THEMIS: variants seen among roughly 807,000 people sequenced by gnomAD.
The protein encoded by THEMIS is thymocyte selection associated.
In THEMIS, 37 loss-of-function variants were observed where a neutral mutation model predicts 52.6. That is an observed-to-expected ratio of 0.70 (90% CI 0.54 to 0.93). The LOEUF (loss-of-function observed/expected upper bound fraction) is 0.93, where lower values mean the gene tolerates loss of function less well. THEMIS is among the 40% of genes least tolerant of loss of function. The probability of loss-of-function intolerance (pLI) is 0.00; values close to 1 mark genes in which losing one functional copy is unlikely to be tolerated. For synonymous variants in THEMIS, 292 were observed against 272.7 expected, an observed-to-expected ratio of 1.07 and a Z score of -0.70; for missense variants, 808 against 763.1, an observed-to-expected ratio of 1.06 and a Z score of -0.69.
chr6:127,718,870 A>G (rs1418375593), intron 5 of THEMIS, among the ~76,000 whole-genome samples: 1 of 151,892 alleles, frequency 6.6e-6, no homozygotes, highest in Non-Finnish European at 1.5e-5. Flanking sequence ...AAGAACCCAG[A>G]TTGTGCAGAC....
At chr6:127,896,360 A>G (rs1182138630) in intron 1 of THEMIS, among the ~76,000 whole-genome samples, 1 of 151,590 alleles carries the variant, frequency 6.6e-6, no homozygotes, top group Non-Finnish European at 1.5e-5. Flanking sequence ...TAAGTACAAC[A>G]AAGAGAAAAT....
Position 127,708,421 on chromosome 6 carries a change from A to T in THEMIS, c.*1564T>A, listed in dbSNP as rs1773862850. 1 of 152,148 alleles carries T rather than the reference A, an allele frequency of 6.6e-6. No individual in the cohort carries two copies. The highest frequency in any genetic ancestry group is 1.5e-5 in the Non-Finnish European group (1 of 68,008). The allele number at this position is 152,148 out of a possible 1,614,324, so 9.4% of individuals were successfully genotyped here. A position where few individuals can be genotyped will look rare whatever the true frequency, so the allele number is the denominator to read the frequency against. On this transcript the variant is annotated 3_prime_UTR_variant, in exon 6 of 6. Transcript: ENST00000368248. ...CTAATCAAAGAATGGTAGTTACTAA[A>T]AGTACAAATTTAATTGTTCTCAAAT... is the stretch of plus-strand genomic sequence containing the variant.
intron 4 of THEMIS, among the ~76,000 whole-genome samples, chr6:127,798,049 G>T (rs914724409): frequency 6.6e-6 from 1 of 152,286 alleles, no homozygotes. Flanking sequence ...GTGTTCATAC[G>T]TCACTTTATC....
intron 4 of THEMIS, among the ~76,000 whole-genome samples, chr6:127,723,320 G>T (rs1298617726): frequency 6.6e-6 from 1 of 151,964 alleles, no homozygotes; most frequent in Non-Finnish European, 1.5e-5. Flanking sequence ...AGCAGCATCT[G>T]ACATGTCTGG....
At chr6:127,912,798 A>G (rs1396475149) in intron 1 of THEMIS, among the ~76,000 whole-genome samples, 1 of 152,246 alleles carries the variant, frequency 6.6e-6, no homozygotes, top group African/African-American at 2.4e-5. Flanking sequence ...AATCTTCCTG[A>G]AAATATGACA....
chr6:127,765,434 C>T (rs927729990), intron 4 of THEMIS, among the ~76,000 whole-genome samples: 14 of 152,164 alleles, frequency 9.2e-5, no homozygotes, highest in Admixed American at 7.2e-4. Flanking sequence ...CATAGAGATT[C>T]AATTTCAGTT....
intron 1 of THEMIS, among the ~76,000 whole-genome samples, chr6:127,869,856 C>G (rs1238936899): frequency 6.6e-6 from 1 of 152,156 alleles, no homozygotes; most frequent in Non-Finnish European, 1.5e-5. Flanking sequence ...CCAAACATCA[C>G]AGAAAAACAG....
chr6:127,865,625 A>G (rs1195159207), intron 1 of THEMIS, among the ~76,000 whole-genome samples: 1 of 152,160 alleles, frequency 6.6e-6, no homozygotes, highest in Non-Finnish European at 1.5e-5. Context: ...AATGTAAATT[A>G]TTATCCATAG....
chr6:127,894,014 C>T (rs1445621490), intron 1 of THEMIS, among the ~76,000 whole-genome samples: 4 of 151,812 alleles, frequency 2.6e-5, no homozygotes, highest in Non-Finnish European at 5.9e-5. Flanking sequence ...AAAGATGTAA[C>T]TCTCTAACAT....
Position 127,813,793 on chromosome 6 carries a change from A to T in THEMIS, c.848T>A (p.Ile283Lys). 6.2e-7 allele frequency: 1 copy of T among 1,614,034 alleles called. No individual in the cohort carries two copies. The highest frequency in any genetic ancestry group is 8.5e-7 in the Non-Finnish European group (1 of 1,179,976). The change falls in exon 4 of 6, where the codon ATA becomes AAA. Residue 283 changes from isoleucine (I) to lysine (K), a missense_variant. Coordinates refer to ENST00000368248, the MANE Select transcript of THEMIS (RefSeq NM_001010923.3). ...AGGTGCTTCTATGACTTCAGTCACT[A>T]TGGGGAACTCTTTACTAGTCATTTC... ...LFEMTSKEFP[I>K]VTEVIEAPEG... is the part of the protein sequence containing the mutation.
At chr6:127,841,260 C>T (rs1779039251) in intron 2 of THEMIS, among the ~76,000 whole-genome samples, 1 of 151,948 alleles carries the variant, frequency 6.6e-6, no homozygotes, top group African/African-American at 2.4e-5. Context: ...CCTCTAAATC[C>T]CCAAAATGTA....
At chr6:127,792,351 G>A (rs529525958) in intron 4 of THEMIS, among the ~76,000 whole-genome samples, 4 of 152,228 alleles carry the variant, frequency 2.6e-5, no homozygotes, top group Admixed American at 6.5e-5. Flanking sequence ...GAGACAGGAC[G>A]GCCAAGACAC....
intron 1 of THEMIS, among the ~76,000 whole-genome samples, chr6:127,866,705 A>G (rs1779990284): frequency 6.6e-6 from 1 of 151,926 alleles, no homozygotes; most frequent in South Asian, 2.1e-4. Flanking sequence ...AACAATTTCT[A>G]TCATCTACTG....
intron 4 of THEMIS, among the ~76,000 whole-genome samples, chr6:127,787,144 C>T (rs1776975933): frequency 6.6e-6 from 1 of 152,174 alleles, no homozygotes; most frequent in African/African-American, 2.4e-5. Flanking sequence ...ATTGCATCTT[C>T]CAGAGGCTGT....
chr6:127,717,762 T>C (rs762695719), intron 5 of THEMIS, among the ~76,000 whole-genome samples: 1 of 151,778 alleles, frequency 6.6e-6, no homozygotes, highest in Non-Finnish European at 1.5e-5. Context: ...AAGAATTAGG[T>C]CTGGGTATCC....
chr6:127,874,660 T>G (rs2114398527), intron 1 of THEMIS, among the ~76,000 whole-genome samples: 1 of 152,304 alleles, frequency 6.6e-6, no homozygotes, highest in East Asian at 1.9e-4. Flanking sequence ...TGTACTAAAC[T>G]TCACATTATA....
intron 4 of THEMIS, among the ~76,000 whole-genome samples, chr6:127,775,304 A>C (rs1315198888): frequency 6.6e-6 from 1 of 152,174 alleles, no homozygotes; most frequent in Non-Finnish European, 1.5e-5. Flanking sequence ...TTCCTTTTAA[A>C]ATATGTGGAC....
chr6:127,703,781 C>T (rs1773762645), downstream of THEMIS, among the ~76,000 whole-genome samples: 1 of 152,178 alleles, frequency 6.6e-6, no homozygotes, highest in South Asian at 2.1e-4. Context: ...AGGATATCTC[C>T]TCAGACAAAG....
intron 1 of THEMIS, among the ~76,000 whole-genome samples, chr6:127,877,869 T>C (rs1160366311): frequency 2.0e-5 from 3 of 152,126 alleles, no homozygotes; most frequent in Non-Finnish European, 2.9e-5. Flanking sequence ...AAAAGCAATA[T>C]TTACTTGTGA....
Sources: gnomAD v4.1 joint callset for allele counts (sites outside exome capture counted in the v4.1 genomes callset) on GRCh38, gnomAD v4.1.1 for gene constraint, MANE v1.5 for transcripts, NCBI Gene and HGNC (gene_info 2026-07-23, HGNC 2026-07-21) for gene names.